Variants in BORCS5 observed in about 807,000 individuals in gnomAD.
BORCS5 encodes the protein BLOC-1 related complex subunit 5.
BORCS5 carries 17 observed loss-of-function variants against 22.1 expected under a neutral mutation model. That is an observed-to-expected ratio of 0.77 (90% CI 0.53 to 1.15). The LOEUF (loss-of-function observed/expected upper bound fraction) is 1.15, where lower values mean the gene tolerates loss of function less well. Among genes scored for constraint, BORCS5 ranks in the 50% most tolerant of loss-of-function variants. The pLI is 0.00. For synonymous variants in BORCS5, 117 were observed against 99.8 expected, an observed-to-expected ratio of 1.17 and a Z score of -1.03; for missense variants, 247 against 253.2, an observed-to-expected ratio of 0.98 and a Z score of 0.17.
chr12:12,464,422 C>G (rs1943163508), intron 3 of BORCS5, among the ~76,000 whole-genome samples: 1 of 152,124 alleles, frequency 6.6e-6, no homozygotes, highest in East Asian at 1.9e-4. Context: ...GTTTTTGTGT[C>G]TCTCGAAGCC....
intron 3 of BORCS5, among the ~76,000 whole-genome samples, chr12:12,464,784 G>T (rs1390714953): frequency 3.3e-5 from 5 of 152,122 alleles, no homozygotes; most frequent in African/African-American, 1.2e-4. Context: ...TGGGGGAGAA[G>T]GGCACATGAG....
chr12:12,452,554 A>G (rs1942931231), intron 3 of BORCS5: 2 of 352,850 alleles, frequency 5.7e-6, no homozygotes, highest in Admixed American at 3.9e-5. Flanking sequence ...TCGCCTCGTG[A>G]TCTTGCCGGC....
At chr12:12,409,785 G>T (rs1215852697) in intron 2 of BORCS5, among the ~76,000 whole-genome samples, 4 of 150,892 alleles carry the variant, frequency 2.7e-5, no homozygotes, top group Non-Finnish European at 6.0e-5. Flanking sequence ...TCTAGTTCTA[G>T]ATCCCTGAGG....
intron 3 of BORCS5, among the ~76,000 whole-genome samples, chr12:12,442,813 A>G (rs757105396): frequency 1.1e-4 from 16 of 152,150 alleles, no homozygotes; most frequent in Non-Finnish European, 2.4e-4. Context: ...TAGGTCCTCA[A>G]CTGGTGTTTG....
chr12:12,436,835 C>T (rs537705756), intron 3 of BORCS5, among the ~76,000 whole-genome samples: 8 of 152,352 alleles, frequency 5.3e-5, no homozygotes, highest in African/African-American at 1.7e-4. Flanking sequence ...ACTCTTCTCT[C>T]ATGGGTTAAA....
chr12:12,371,002 G>C (rs1244336883), intron 2 of BORCS5, among the ~76,000 whole-genome samples: 1 of 152,100 alleles, frequency 6.6e-6, no homozygotes, highest in Non-Finnish European at 1.5e-5. Flanking sequence ...GCCCACCTCG[G>C]CCTCCCAAAG....
chr12:12,434,701 T>C (rs1483002108), intron 2 of BORCS5, among the ~76,000 whole-genome samples: 2 of 152,252 alleles, frequency 1.3e-5, no homozygotes, highest in Admixed American at 1.3e-4. Context: ...AATGTTATTT[T>C]TGTTAATGTA....
At position 12,357,189 on chromosome 12, in the gene BORCS5, G is replaced by C; in HGVS notation, c.-263G>C. The C allele has an allele frequency of 6.6e-7, 1 of 1,516,880 alleles. No individual in the cohort carries two copies. Among genetic ancestry groups the C allele is most frequent in the Non-Finnish European group, 8.8e-7 (1 of 1,138,656 alleles). 94.0% of individuals were successfully genotyped at this position (1,516,880 alleles called of 1,614,324 possible). ...CAGTGTCATCTGCCGGTTCTCTTAG[G>C]GCTCCCGGAAAGAAGGAGGGCTAGC... On this transcript the variant is annotated 5_prime_UTR_variant, in exon 1 of 4. Transcript: ENST00000314565.
chr12:12,438,385 A>AAATACAAC lies in BORCS5; in HGVS notation c.360+2602_360+2603insTACAACAA, dbSNP rs1555156048. Among the ~76,000 whole-genome samples the AAATACAAC allele has an allele frequency of 5.3e-4, 67 of 126,128 alleles. 2 individuals are homozygous for AAATACAAC. The highest frequency in any genetic ancestry group is 1.7e-3 in the African/African-American group (52 of 30,556). The allele number at this position is 126,128 out of a possible 152,430, so 82.7% of individuals were successfully genotyped here. ...CAAAAAAAAAAAAAAAAAAAACGAA[A>AAATACAAC]AACAACAACAAAAACCTCTAATCCA... On this transcript the variant is annotated intron_variant, in intron 3 of 3. Coordinates refer to ENST00000314565, the MANE Select transcript of BORCS5 (RefSeq NM_058169.6).
At chr12:12,457,763 T>C (rs1203345411) in intron 3 of BORCS5, among the ~76,000 whole-genome samples, 3 of 152,202 alleles carry the variant, frequency 2.0e-5, no homozygotes, top group Non-Finnish European at 4.4e-5. Flanking sequence ...AGGTAAAAGC[T>C]CTGGCTCAAT....
At chr12:12,403,575 C>A (rs1941526333) in intron 2 of BORCS5, among the ~76,000 whole-genome samples, 1 of 152,102 alleles carries the variant, frequency 6.6e-6, no homozygotes, top group Non-Finnish European at 1.5e-5. Context: ...TATCAACTAA[C>A]ATGTTCCATA....
chr12:12,414,404 C>T lies in BORCS5; in HGVS notation c.203-21224C>T, dbSNP rs1447141204. The stretch of plus-strand genomic sequence containing the variant: ...GGGGGCTGACCCCCCCACCTCCCTC[C>T]CGGACTGGGCGGCTGGCCGGGCGGG... On this transcript the variant is annotated intron_variant, in intron 2 of 3. Transcript: ENST00000314565. 8.0e-5 allele frequency among the ~76,000 whole-genome samples: 9 copies of T among 111,928 alleles called. No homozygotes were observed. The East Asian group carries it at 2.1e-3, about 26-fold the overall frequency. The allele number at this position is 111,928 out of a possible 152,430, so 73.4% of individuals were successfully genotyped here.
chr12:12,453,750 A>G (rs1262317807), intron 3 of BORCS5, among the ~76,000 whole-genome samples: 2 of 152,182 alleles, frequency 1.3e-5, no homozygotes, highest in East Asian at 3.9e-4. Flanking sequence ...TATTCTTGCA[A>G]GATTGTGCAG....
chr12:12,460,697 T>C (rs2136159490), intron 3 of BORCS5, among the ~76,000 whole-genome samples: 1 of 152,322 alleles, frequency 6.6e-6, no homozygotes, highest in East Asian at 1.9e-4. Flanking sequence ...AATAAATGCA[T>C]GTTCAGTTTT....
At chr12:12,358,778 C>A (rs565106669) in intron 1 of BORCS5, among the ~76,000 whole-genome samples, 1 of 152,250 alleles carries the variant, frequency 6.6e-6, no homozygotes, top group East Asian at 1.9e-4. Context: ...CCTCTGGTAT[C>A]TGGGGAAGGA....
intron 2 of BORCS5, among the ~76,000 whole-genome samples, chr12:12,388,643 C>T (rs1330841916): frequency 6.7e-6 from 1 of 148,798 alleles, no homozygotes; most frequent in Non-Finnish European, 1.5e-5. Flanking sequence ...TGAAAGGAAA[C>T]CAGACTCTTA....
At position 12,400,943 on chromosome 12, in the gene BORCS5, TTTTTC is replaced by T. The variant is rs377261981; in HGVS notation, c.203-34679_203-34675del. Among the ~76,000 whole-genome samples the T allele has an allele frequency of 1.0e-3, 155 of 152,348 alleles. 1 individual carries two copies. Among genetic ancestry groups the T allele is most frequent in the African/African-American group, 3.5e-3 (145 of 41,580 alleles). ...CCTTCAGCTACTTGTGTAACTTTCT[TTTTTC>T]TTTTCCTTATAATTTTGAGATTTAT... On this transcript the variant is annotated intron_variant, in intron 2 of 3. Transcript: ENST00000314565.
At chr12:12,425,286 T>A (rs1942254339) in intron 2 of BORCS5, among the ~76,000 whole-genome samples, 1 of 152,182 alleles carries the variant, frequency 6.6e-6, no homozygotes, top group Non-Finnish European at 1.5e-5. Context: ...TTCAATAGAC[T>A]CTAGAGCTAC....
chr12:12,434,960 C>G (rs1942523116), intron 2 of BORCS5, among the ~76,000 whole-genome samples: 1 of 152,142 alleles, frequency 6.6e-6, no homozygotes, highest in South Asian at 2.1e-4. Flanking sequence ...GATTTCTTCT[C>G]CTGCAAATGC....
Sources: gnomAD v4.1 joint callset for allele counts (sites outside exome capture counted in the v4.1 genomes callset) on GRCh38, gnomAD v4.1.1 for gene constraint, MANE v1.5 for transcripts, NCBI Gene and HGNC (gene_info 2026-07-23, HGNC 2026-07-21) for gene names.